Variants in GALNTL5 observed in about 807,000 individuals in gnomAD.
GALNTL5 encodes the protein polypeptide N-acetylgalactosaminyltransferase like 5.
Under a neutral mutation model 51.0 loss-of-function variants are expected in GALNTL5, and 44 were observed. The ratio of observed to expected loss-of-function variants is 0.86; its 90% CI spans 0.68 to 1.11. The LOEUF (loss-of-function observed/expected upper bound fraction) is 1.11, where lower values mean the gene tolerates loss of function less well. GALNTL5 is among the 50% of genes least tolerant of loss of function. The probability of loss-of-function intolerance (pLI) is 0.00; values close to 1 mark genes in which losing one functional copy is unlikely to be tolerated. For missense variants in GALNTL5, 528 were observed against 531.8 expected, an observed-to-expected ratio of 0.99 and a Z score of 0.07; for synonymous variants, 192 against 182.8, an observed-to-expected ratio of 1.05 and a Z score of -0.41.
chr7:152,003,515 A>T (rs1214955858), intron 6 of GALNTL5, among the ~76,000 whole-genome samples: 1 of 152,240 alleles, frequency 6.6e-6, no homozygotes, highest in African/African-American at 2.4e-5. Context: ...CACATTTCTT[A>T]GGATCGTTGA....
At position 151,971,011 on chromosome 7, in the gene GALNTL5, T is replaced by A. The variant is rs1437865607; in HGVS notation, c.314T>A (p.Ile105Asn). 1 of 1,610,786 alleles carries A rather than the reference T, an allele frequency of 6.2e-7. No individual in the cohort carries two copies. The stretch of plus-strand genomic sequence containing the variant: ...CTTTTAAAATATGGATTTAATGTGA[T>A]TATCAGTAGAAGCTTGGGCATCGAA... ...KELLKYGFNV[I>N]ISRSLGIERE... Residue 105 changes from isoleucine (I) to asparagine (N), a missense_variant, in exon 3 of 9, where the codon ATT becomes AAT. Transcript: ENST00000392800.
Position 151,962,270 on chromosome 7 carries a change from G to C in GALNTL5, c.-39-4938G>C, listed in dbSNP as rs148967344. Among the ~76,000 whole-genome samples, 518 of 151,468 alleles carry C rather than the reference G, an allele frequency of 3.4e-3. 13 individuals carry two copies. The East Asian group carries it at 0.043, about 13-fold the overall frequency. On this transcript the variant is annotated intron_variant, in intron 1 of 8. Coordinates refer to ENST00000392800, the MANE Select transcript of GALNTL5 (RefSeq NM_145292.4). The stretch of plus-strand genomic sequence containing the variant: ...CCCACCTCAGCTTCCCAAAGTGCTG[G>C]GATTACAGACCTGAGCCACAGAGCC...
At chr7:151,987,767 TGGA>T (rs1023876306) in intron 5 of GALNTL5, among the ~76,000 whole-genome samples, 7 of 152,068 alleles carry the variant, frequency 4.6e-5, no homozygotes, top group African/African-American at 1.4e-4. Flanking sequence ...CCGACACACG[TGGA>T]GGAGGACAGA....
chr7:151,979,875 C>T (rs992095523), intron 3 of GALNTL5, among the ~76,000 whole-genome samples: 8 of 152,172 alleles, frequency 5.3e-5, no homozygotes, highest in Non-Finnish European at 1.2e-4. Context: ...GGCTCCTCCA[C>T]CAACATCAAA....
At chr7:151,977,617 T>C (rs1294128057) in intron 3 of GALNTL5, among the ~76,000 whole-genome samples, 1 of 152,192 alleles carries the variant, frequency 6.6e-6, no homozygotes, top group South Asian at 2.1e-4. Flanking sequence ...TAAAATGAAT[T>C]TGAAAGTTTT....
chr7:152,014,340 G>A (rs908380619), intron 7 of GALNTL5, among the ~76,000 whole-genome samples: 3 of 152,020 alleles, frequency 2.0e-5, no homozygotes, highest in South Asian at 2.1e-4. Flanking sequence ...GCACGACCTC[G>A]GCTCACAACA....
At chr7:151,964,779 G>C (rs893711651) in intron 1 of GALNTL5, among the ~76,000 whole-genome samples, 27 of 152,178 alleles carry the variant, frequency 1.8e-4, no homozygotes, top group African/African-American at 6.3e-4. Context: ...TCTTCAGGGG[G>C]ACGACCCAGG....
rs146132279 is a variant in GALNTL5 at position 151,987,241 on chromosome 7, G to A, written c.618G>A (p.Gly206=). The stretch of plus-strand genomic sequence containing the variant: ...TAATAAGAAACAAAAAGAGAGAGGG[G>A]CTGATTCGAGCAAGGCTGATTGGAG... ...VKIIRNKKRE[G]LIRARLIGAS... is the part of the protein sequence containing the mutation. Residue 206 remains glycine, a synonymous_variant, in exon 5 of 9, where the codon GGG becomes GGA. Transcript: ENST00000392800. 5.6e-6 allele frequency: 9 copies of A among 1,598,492 alleles called. No homozygotes were observed. The African/African-American group carries it at 1.2e-4, about 22-fold the overall frequency.
intron 3 of GALNTL5, among the ~76,000 whole-genome samples, chr7:151,981,492 C>T (rs1420403825): frequency 6.6e-6 from 1 of 152,118 alleles, no homozygotes; most frequent in Non-Finnish European, 1.5e-5. Flanking sequence ...CCAGCTGCTG[C>T]AGCTTCTAGG....
At chr7:151,985,360 A>G (rs2081348509) in intron 4 of GALNTL5, among the ~76,000 whole-genome samples, 1 of 152,092 alleles carries the variant, frequency 6.6e-6, no homozygotes, top group African/African-American at 2.4e-5. Context: ...CTCCTCCTCT[A>G]TCTGAGCCTT....
chr7:151,957,748 T>C (rs2080943605), intron 1 of GALNTL5: 2 of 152,148 alleles, frequency 1.3e-5, no homozygotes, highest in African/African-American at 4.8e-5. Flanking sequence ...TGAATCCTCG[T>C]TGAAATATAT....
intron 7 of GALNTL5, 76 bp downstream of exon 7, chr7:152,008,020 A>G (rs2081673037): frequency 2.4e-6 from 2 of 828,480 alleles, no homozygotes; most frequent in Non-Finnish European, 4.1e-6. Flanking sequence ...TGTGGTAATT[A>G]TGCTCAATTT....
chr7:152,000,860 AT>A (rs1313736465), intron 5 of GALNTL5, among the ~76,000 whole-genome samples: 2 of 145,342 alleles, frequency 1.4e-5, no homozygotes, highest in Non-Finnish European at 3.1e-5. Context: ...CATTTTGTGG[AT>A]TTTTTTCTCT....
At chr7:151,978,288 T>C (rs554247256) in intron 3 of GALNTL5, among the ~76,000 whole-genome samples, 1 of 152,352 alleles carries the variant, frequency 6.6e-6, no homozygotes, top group South Asian at 2.1e-4. Flanking sequence ...TCCATTTTTT[T>C]AATTGGATTT....
chr7:151,960,688 A>G (rs1044012828), intron 1 of GALNTL5: 4 of 152,406 alleles, frequency 2.6e-5, no homozygotes, highest in Admixed American at 1.3e-4. Flanking sequence ...AGCTGCACCC[A>G]TTGACCAGTC....
At chr7:151,976,935 T>C (rs1395477670) in intron 3 of GALNTL5, among the ~76,000 whole-genome samples, 1 of 152,200 alleles carries the variant, frequency 6.6e-6, no homozygotes, top group East Asian at 1.9e-4. Flanking sequence ...CCCAAAGTGC[T>C]GGGATTACAG....
At chr7:151,972,660 A>G (rs1397700468) in intron 3 of GALNTL5, among the ~76,000 whole-genome samples, 1 of 152,208 alleles carries the variant, frequency 6.6e-6, no homozygotes, top group Non-Finnish European at 1.5e-5. Context: ...GGACCAAAGT[A>G]CAACTAAGGC....
intron 3 of GALNTL5, among the ~76,000 whole-genome samples, chr7:151,978,043 T>C (rs1319194258): frequency 1.3e-5 from 2 of 152,174 alleles, no homozygotes. Context: ...TTTCTAGTTA[T>C]CTTTATTGGT....
In GALNTL5 at chr7:152,014,686, C is replaced by T. The variant is rs377355982; in HGVS notation, c.1069C>T (p.Arg357Ter). 35 of 1,612,904 alleles carry T rather than the reference C, an allele frequency of 2.2e-5. No individual in the cohort carries two copies. In the East Asian group the frequency reaches 2.2e-4, roughly 10 times the overall value. Residue 357 changes from arginine to a stop codon, truncating the protein, a stop_gained, in exon 8 of 9, where the codon CGA becomes TGA. Transcript: ENST00000392800. LOFTEE classifies it high-confidence loss of function. ...GGQLFIIPCS[R>*]VGHISKKQTG... is the part of the protein sequence containing the mutation. ...CCAACTCTTTATAATCCCCTGCTCT[C>T]GAGTAGGACATATCAGTAAGAAACA...
Sources: allele counts gnomAD v4.1 joint callset (sites outside exome capture counted in the v4.1 genomes callset), GRCh38; gene constraint gnomAD v4.1.1; transcripts MANE v1.5; gene names NCBI Gene and HGNC (gene_info 2026-07-23, HGNC 2026-07-21).